Variants in MRPS33 observed in about 807,000 individuals in gnomAD.
MRPS33 encodes small ribosomal subunit protein mS33.
In MRPS33, 11 loss-of-function variants were observed where a neutral mutation model predicts 11.2. The ratio of observed to expected loss-of-function variants is 0.99; its 90% CI spans 0.62 to 1.63. MRPS33 has a LOEUF of 1.63. MRPS33 is among the 40% of genes most tolerant of loss of function. MRPS33 has a pLI of 0.00. For synonymous variants in MRPS33, 46 were observed against 44.0 expected (o/e 1.05, Z -0.18); for missense variants, 109 against 127.8 (o/e 0.85, Z 0.71).
At position 141,010,534 on chromosome 7, in the gene MRPS33, C is replaced by T. The variant is rs775214741; in HGVS notation, c.100G>A (p.Val34Met). Residue 34 changes from valine to methionine, a missense_variant, in exon 2 of 3, where the codon GTG (valine) becomes ATG (methionine). By Grantham distance (21) the Val-to-Met change is conservative (BLOSUM62 1). Transcript: ENST00000324787. ...AAGGGCAGTTCACTAAACAGTTTCA[C>T]CACTTTCATAGACTTGGAATTAGTA... is the stretch of plus-strand genomic sequence containing the variant. ...RPTNSKSMKV[V>M]KLFSELPLAK... 18 of 1,614,066 alleles carry T rather than the reference C, an allele frequency of 1.1e-5. No individual in the cohort carries two copies. Among genetic ancestry groups the T allele is most frequent in the Admixed American group, 1.7e-5 (1 of 60,006 alleles).
intron 1 of MRPS33, among the ~76,000 whole-genome samples, chr7:141,013,289 T>C (rs1456449295): frequency 6.6e-6 from 1 of 152,192 alleles, no homozygotes; most frequent in African/African-American, 2.4e-5. Flanking sequence ...CATGCCCATT[T>C]TGGAATGTGG....
intron 2 of MRPS33, among the ~76,000 whole-genome samples, chr7:141,009,134 A>AT (rs200306228): frequency 0.013 from 1,868 of 140,436 alleles, 16 homozygotes; most frequent in South Asian, 0.023. Flanking sequence ...CAGGTATTTG[A>AT]TTTTTTTTTT....
At chr7:141,013,172 T>C (rs1270452978) in intron 1 of MRPS33, among the ~76,000 whole-genome samples, 5 of 151,584 alleles carry the variant, frequency 3.3e-5, no homozygotes, top group African/African-American at 2.4e-5. Context: ...CAGAGAAACA[T>C]AGGGAGAGGA....
intron 2 of MRPS33, among the ~76,000 whole-genome samples, 166 bp from the exon 3 acceptor site, chr7:141,006,701 C>G (rs1236808162): frequency 6.6e-6 from 1 of 152,184 alleles, no homozygotes; most frequent in Non-Finnish European, 1.5e-5. Context: ...GAGTCCCTAA[C>G]ACAGAGATGC....
chr7:141,010,416 C>A lies in MRPS33; in HGVS notation c.215+3G>T. On this transcript the variant is annotated splice_donor_region_variant and intron_variant, in intron 2 of 2. Transcript: ENST00000324787. ...ATAGGTCCCTCTTTGTGTTTGTCATCACCTGTAGAGTCCAAGAAATCGGAG... is the reference window on the plus strand; with the variant it reads ...ATAGGTCCCTCTTTGTGTTTGTCATAACCTGTAGAGTCCAAGAAATCGGAG... 1 of 1,614,086 alleles carries A rather than the reference C, an allele frequency of 6.2e-7. No homozygotes were observed. Among genetic ancestry groups the A allele is most frequent in the African/African-American group, 1.3e-5 (1 of 75,038 alleles).
intron 1 of MRPS33, among the ~76,000 whole-genome samples, chr7:141,013,317 T>G (rs1328414321): frequency 2.0e-5 from 3 of 152,236 alleles, no homozygotes; most frequent in Non-Finnish European, 1.5e-5. Flanking sequence ...CTGGGATACA[T>G]AACTTGTAAG....
At chr7:141,014,002 G>A (rs1820740718) in intron 1 of MRPS33, among the ~76,000 whole-genome samples, 1 of 152,180 alleles carries the variant, frequency 6.6e-6, no homozygotes, top group Admixed American at 6.5e-5. Flanking sequence ...GTATGTGTGT[G>A]TGTAAATTGT....
intron 2 of MRPS33, among the ~76,000 whole-genome samples, chr7:141,008,877 C>G (rs1820602597): frequency 6.6e-6 from 1 of 151,254 alleles, no homozygotes; most frequent in Non-Finnish European, 1.5e-5. Flanking sequence ...TCACTGTAAC[C>G]TCTTCCTCCT....
At chr7:141,007,969 G>A (rs970746741) in intron 2 of MRPS33, among the ~76,000 whole-genome samples, 7 of 152,076 alleles carry the variant, frequency 4.6e-5, no homozygotes, top group Non-Finnish European at 1.0e-4. Flanking sequence ...CCGTTGGACA[G>A]AAAGAAAGCT....
In MRPS33 at chr7:141,010,376, GA is replaced by G; in HGVS notation, c.215+42del. 4 of 1,588,284 alleles carry G rather than the reference GA, an allele frequency of 2.5e-6. 1 individual carries two copies. The highest frequency in any genetic ancestry group is 1.7e-4 in the Middle Eastern group (1 of 5,930). ...AATTTTTTTCCTTTTCTGATCTACTGAAAAAAAGTCTCTCATAGGTCCCTCT... is the reference window on the plus strand; with the variant it reads ...AATTTTTTTCCTTTTCTGATCTACTGAAAAAAGTCTCTCATAGGTCCCTCT... On this transcript the variant is annotated intron_variant, in intron 2 of 2. Coordinates refer to ENST00000324787, the MANE Select transcript of MRPS33 (RefSeq NM_053035.3).
intron 1 of MRPS33, 23 bp from the exon 2 acceptor site, chr7:141,010,683 TAA>T (rs765356629): frequency 1.3e-6 from 2 of 1,544,146 alleles, no homozygotes; most frequent in South Asian, 2.2e-5. Context: ...AGAAGAAAGT[TAA>T]ACAGGTTAGG....
At position 141,010,656 on chromosome 7, in the gene MRPS33, A is replaced by T; in HGVS notation, c.-23T>A. ...CATTTCTTGAGTGGCAAGGAGTTAGAGTTCCTATTGAAAATGAGAAGAAAG... is the reference window on the plus strand; with the variant it reads ...CATTTCTTGAGTGGCAAGGAGTTAGTGTTCCTATTGAAAATGAGAAGAAAG... On this transcript the variant is annotated 5_prime_UTR_variant, in exon 2 of 3. Transcript: ENST00000324787. The T allele has an allele frequency of 1.2e-6, 2 of 1,601,588 alleles. No homozygotes were observed. The highest frequency in any genetic ancestry group is 1.7e-6 in the Non-Finnish European group (2 of 1,169,018).
intron 1 of MRPS33, among the ~76,000 whole-genome samples, chr7:141,014,034 GT>G (rs1820741737): frequency 6.6e-6 from 1 of 152,152 alleles, no homozygotes; most frequent in African/African-American, 2.4e-5. Context: ...GCTTTCTCCA[GT>G]TTCCCAAAAA....
chr7:141,009,304 G>A (rs1820613881), intron 2 of MRPS33, among the ~76,000 whole-genome samples: 1 of 151,480 alleles, frequency 6.6e-6, no homozygotes, highest in Non-Finnish European at 1.5e-5. Context: ...GCTAATTTTT[G>A]TATTTTTAGT....
chr7:141,010,169 C>G (rs977977645), intron 2 of MRPS33: 1 of 456,906 alleles, frequency 2.2e-6, no homozygotes, highest in African/African-American at 2.0e-5. Flanking sequence ...AGCTCAGTAT[C>G]TATTCAACAT....
chr7:141,013,496 CA>C (rs1820728738), intron 1 of MRPS33, among the ~76,000 whole-genome samples: 1 of 152,176 alleles, frequency 6.6e-6, no homozygotes, highest in Admixed American at 6.5e-5. Context: ...TAACAATTAC[CA>C]ATGACACTGC....
chr7:141,012,191 A>AAAAAAAAAAAAAAAAC (rs1820692488), intron 1 of MRPS33, among the ~76,000 whole-genome samples: 3 of 149,976 alleles, frequency 2.0e-5, no homozygotes, highest in Non-Finnish European at 3.0e-5. Context: ...AAAAAAAAAA[A>AAAAAAAAAAAAAAAAC]AAAGCAGAGG....
chr7:141,013,755 A>C (rs1250174251), intron 1 of MRPS33, among the ~76,000 whole-genome samples: 1 of 152,202 alleles, frequency 6.6e-6, no homozygotes, highest in Non-Finnish European at 1.5e-5. Context: ...GAGCAAAACA[A>C]ATTAAGCCCA....
rs1367720473 is a variant in MRPS33, at chr7:141,002,959, G to C, written c.*3471C>G. The C allele has an allele frequency of 6.6e-6, 1 of 150,968 alleles. No individual in the cohort carries two copies. The allele number at this position is 150,968 out of a possible 1,614,324, so 9.4% of individuals were successfully genotyped here. ...AGTTTTTAACTTTTTATAATTTACA[G>C]AGTTCTTTTCACAAATATCTTATTT... is the stretch of plus-strand genomic sequence containing the variant. On this transcript the variant is annotated 3_prime_UTR_variant, in exon 3 of 3. Coordinates refer to ENST00000324787, the MANE Select transcript of MRPS33 (RefSeq NM_053035.3).
Sources: allele counts gnomAD v4.1 joint callset (sites outside exome capture counted in the v4.1 genomes callset), GRCh38; gene constraint gnomAD v4.1.1; transcripts MANE v1.5; gene names NCBI Gene and HGNC (gene_info 2026-07-23, HGNC 2026-07-21).